Variants in TNRC6B observed in about 807,000 individuals in gnomAD.
TNRC6B encodes the protein trinucleotide repeat containing adaptor 6B, also known as trinucleotide repeat-containing gene 6B protein.
Under a neutral mutation model 203.6 loss-of-function variants are expected in TNRC6B, and 52 were observed. That is an observed-to-expected ratio of 0.26 (90% CI 0.20 to 0.32). The LOEUF is 0.32. TNRC6B is among the 10% of genes least tolerant of loss of function. The pLI, the probability that TNRC6B is intolerant of heterozygous loss-of-function variation, is 1.00. For synonymous variants in TNRC6B, 838 were observed against 845.7 expected, an observed-to-expected ratio of 0.99 and a Z score of 0.16; for missense variants, 1,923 against 2,286.2, an observed-to-expected ratio of 0.84 and a Z score of 3.24.
Position 40,265,122 on chromosome 22 carries a change from G to A in TNRC6B, c.892G>A (p.Gly298Ser), listed in dbSNP as rs753092659. Reference sequence around the variant, plus strand: ...TCAGGATAGAATTGGACCTGGCTCTGGCTTCAGCAACTTTAACCCAAATAG... The same window carrying A: ...TCAGGATAGAATTGGACCTGGCTCTAGCTTCAGCAACTTTAACCCAAATAG... ...SGQDRIGPGSGFSNFNPNSNP... is the reference protein window; with the variant it reads ...SGQDRIGPGSSFSNFNPNSNP... Residue 298 changes from glycine to serine, a missense_variant, in exon 5 of 23, where the codon GGC becomes AGC. Gly to Ser is a moderately conservative substitution (Grantham distance 56, BLOSUM62 0). Transcript: ENST00000454349. 2 of 1,613,942 alleles carry A rather than the reference G, an allele frequency of 1.2e-6. No homozygotes were observed. The highest frequency in any genetic ancestry group is 2.2e-5 in the South Asian group (2 of 91,080).
intron 1 of TNRC6B, among the ~76,000 whole-genome samples, chr22:40,096,200 T>C (rs2068185046): frequency 6.6e-6 from 1 of 152,178 alleles, no homozygotes; most frequent in African/African-American, 2.4e-5. Context: ...ATTCCAAATC[T>C]TTAGCCACAG....
At chr22:40,209,244 C>A (rs2069526545) in intron 1 of TNRC6B, among the ~76,000 whole-genome samples, 1 of 123,462 alleles carries the variant, frequency 8.1e-6, no homozygotes, top group Admixed American at 8.0e-5. Context: ...ACAGAAACTT[C>A]TAAAGATAGC....
chr22:40,154,851 AAAAAAAAAAATATAT>A (rs1487742716), intron 3 of TNRC6B, among the ~76,000 whole-genome samples: 1 of 66,058 alleles, frequency 1.5e-5, no homozygotes, highest in African/African-American at 7.4e-5. Context: ...AAAAAAAAAA[AAAAAAAAAAATATAT>A]ATATATATAT....
At chr22:40,191,966 G>A (rs772984311) in intron 1 of TNRC6B, among the ~76,000 whole-genome samples, 3 of 152,164 alleles carry the variant, frequency 2.0e-5, no homozygotes, top group Non-Finnish European at 4.4e-5. Context: ...GGCCAGGCTG[G>A]TCTCAAACTC....
chr22:40,215,442 A>G (rs1401980769), intron 1 of TNRC6B, among the ~76,000 whole-genome samples: 1 of 152,228 alleles, frequency 6.6e-6, no homozygotes, highest in Admixed American at 6.5e-5. Context: ...GGGTGACTGC[A>G]TGGCCGGAGA....
At chr22:40,186,020 A>C (rs1487748190) in intron 1 of TNRC6B, among the ~76,000 whole-genome samples, 2 of 151,554 alleles carry the variant, frequency 1.3e-5, no homozygotes, top group Non-Finnish European at 2.9e-5. Context: ...GTGGATCTGC[A>C]GCTTGAGAAA....
chr22:40,097,201 TATA>T (rs2146301487), intron 1 of TNRC6B, among the ~76,000 whole-genome samples: 1 of 152,344 alleles, frequency 6.6e-6, no homozygotes, highest in Non-Finnish European at 1.5e-5. Flanking sequence ...TATTTTTTAT[TATA>T]AGAGCAATTT....
chr22:40,109,564 G>A (rs564240458), intron 1 of TNRC6B, among the ~76,000 whole-genome samples: 4 of 152,174 alleles, frequency 2.6e-5, no homozygotes, highest in Admixed American at 1.3e-4. Context: ...TTTGTTGGCC[G>A]AATAAATGAA....
At chr22:40,298,538 C>CT (rs2070976618) in intron 12 of TNRC6B, among the ~76,000 whole-genome samples, 1 of 152,240 alleles carries the variant, frequency 6.6e-6, no homozygotes, top group African/African-American at 2.4e-5. Flanking sequence ...GAGGACATCT[C>CT]TAAGCATTTG....
At chr22:40,269,365 C>G (rs1302560706) in intron 5 of TNRC6B, among the ~76,000 whole-genome samples, 1 of 151,860 alleles carries the variant, frequency 6.6e-6, no homozygotes, top group Non-Finnish European at 1.5e-5. Flanking sequence ...AACTCCTGAC[C>G]TCAGGAGATC....
At chr22:40,243,118 C>G (rs969687858) in intron 1 of TNRC6B, among the ~76,000 whole-genome samples, 46 of 152,262 alleles carry the variant, frequency 3.0e-4, no homozygotes, top group African/African-American at 9.1e-4. Context: ...ATCCACCCGT[C>G]TCGGCCTCCC....
In TNRC6B at chr22:40,052,767, C is replaced by G. The variant is rs542251041; in HGVS notation, c.-121+7769C>G. On this transcript the variant is annotated intron_variant, in intron 1 of 23. Transcript: ENST00000301923. ...TCTGGCCTGTGTATTGTTGACTTCC[C>G]CATAGGACTGAGTTTCTTGAAGGCA... Among the ~76,000 whole-genome samples, 273 of 152,134 alleles carry G rather than the reference C, an allele frequency of 1.8e-3. 1 individual carries two copies. Among genetic ancestry groups the G allele is most frequent in the African/African-American group, 5.0e-3 (209 of 41,510 alleles).
At chr22:40,237,789 A>G (rs1485446972) in intron 1 of TNRC6B, among the ~76,000 whole-genome samples, 1 of 151,862 alleles carries the variant, frequency 6.6e-6, no homozygotes, top group Non-Finnish European at 1.5e-5. Flanking sequence ...GCCTCATGGA[A>G]GGCAGCCCCC....
At position 40,138,557 on chromosome 22, in the gene TNRC6B, C is replaced by T. The variant is rs994417716; in HGVS notation, c.45+12695C>T. Among the ~76,000 whole-genome samples the T allele has an allele frequency of 6.6e-5, 10 of 152,264 alleles. No homozygotes were observed. In the East Asian group the frequency reaches 1.2e-3, roughly 18 times the overall value. On this transcript the variant is annotated intron_variant, in intron 3 of 23. Coordinates refer to the TNRC6B transcript ENST00000301923. Reference sequence around the variant, plus strand: ...CTGGGATTACAGGCATGAGCCACCACGCCTGGCCTGTTACTGTTACTTTTA... The same window carrying T: ...CTGGGATTACAGGCATGAGCCACCATGCCTGGCCTGTTACTGTTACTTTTA...
chr22:40,225,365 A>G (rs772868353), intron 1 of TNRC6B, among the ~76,000 whole-genome samples: 1 of 152,236 alleles, frequency 6.6e-6, no homozygotes, highest in Admixed American at 6.5e-5. Context: ...TGTAGAAAGC[A>G]TAATGCTCAA....
intron 3 of TNRC6B, chr22:40,253,505 A>ATT: frequency 5.5e-6 from 2 of 365,414 alleles, no homozygotes; most frequent in South Asian, 2.1e-5. Flanking sequence ...TCACCACCAA[A>ATT]TTTTTTTTTT....
intron 1 of TNRC6B, among the ~76,000 whole-genome samples, chr22:40,229,775 T>C (rs905571686): frequency 6.6e-6 from 1 of 152,234 alleles, no homozygotes; most frequent in Non-Finnish European, 1.5e-5. Context: ...TCATCCATGT[T>C]GTGTTTAACA....
chr22:40,277,169 C>T lies in TNRC6B; in HGVS notation c.3216+18C>T. The T allele has an allele frequency of 1.9e-6, 3 of 1,590,208 alleles. No individual in the cohort carries two copies. The highest frequency in any genetic ancestry group is 1.1e-5 in the South Asian group (1 of 86,984). ...GATTGCTGGTAAGTTTTATTTTTTT[C>T]AAATGTATAACGTATCCCAACTTTT... On this transcript the variant is annotated intron_variant, in intron 8 of 22. Coordinates refer to ENST00000454349, the MANE Select transcript of TNRC6B (RefSeq NM_001162501.2).
In TNRC6B at chr22:40,267,124, G is replaced by C. The variant is rs1010235494; in HGVS notation, c.2806+88G>C. The C allele has an allele frequency of 2.9e-6, 4 of 1,359,616 alleles. No homozygotes were observed. The African/African-American group carries it at 5.9e-5, about 20-fold the overall frequency. The allele number at this position is 1,359,616 out of a possible 1,614,324, so 84.2% of individuals were successfully genotyped here. ...TTATTAGGTGAATTTATTCAACTTAGTTTTGTTCTGAGATGCTTTCCTACA... is the reference window on the plus strand; with the variant it reads ...TTATTAGGTGAATTTATTCAACTTACTTTTGTTCTGAGATGCTTTCCTACA... On this transcript the variant is annotated intron_variant, in intron 5 of 22. Transcript: ENST00000454349.
Sources: allele counts gnomAD v4.1 joint callset (sites outside exome capture counted in the v4.1 genomes callset), GRCh38; gene constraint gnomAD v4.1.1; transcripts MANE v1.5; gene names NCBI Gene and HGNC (gene_info 2026-07-23, HGNC 2026-07-21).